Variants in PCDHGA6 observed in about 807,000 individuals in gnomAD.
The protein encoded by PCDHGA6 is protocadherin gamma subfamily A, 6, also known as protocadherin gamma-A6.
A neutral mutation model predicts 60.6 loss-of-function variants in PCDHGA6; 41 were observed. The ratio of observed to expected loss-of-function variants is 0.68; its 90% CI spans 0.53 to 0.88. The LOEUF (loss-of-function observed/expected upper bound fraction) is 0.88. PCDHGA6 is among the 40% of genes least tolerant of loss of function. The pLI is 0.00. For synonymous variants in PCDHGA6, 594 were observed against 524.4 expected (o/e 1.13, Z -1.81); for missense variants, 1,312 against 1,203.0 (o/e 1.09, Z -1.34).
chr5:141,457,441 G>A (rs941085406), intron 1 of PCDHGA6, among the ~76,000 whole-genome samples: 1 of 152,134 alleles, frequency 6.6e-6, no homozygotes, highest in African/African-American at 2.4e-5. Flanking sequence ...CCAAGCTGCA[G>A]AAGATCACCA....
At chr5:141,483,907 C>A (rs545585133) in intron 1 of PCDHGA6, among the ~76,000 whole-genome samples, 1 of 151,240 alleles carries the variant, frequency 6.6e-6, no homozygotes, top group East Asian at 1.9e-4. Context: ...TGGTGTGTTT[C>A]CCACTCAGAT....
chr5:141,475,739 T>C (rs190533989), intron 1 of PCDHGA6, among the ~76,000 whole-genome samples: 593 of 152,384 alleles, frequency 3.9e-3, no homozygotes, highest in Non-Finnish European at 6.7e-3. Flanking sequence ...TTCCCTAAGG[T>C]AGGTTTCCTA....
chr5:141,407,455 C>G (rs2094931708), intron 1 of PCDHGA6, among the ~76,000 whole-genome samples: 1 of 148,412 alleles, frequency 6.7e-6, no homozygotes, highest in African/African-American at 2.5e-5. Context: ...ACGAGGCTCA[C>G]CAGACAGATG....
chr5:141,510,919 C>T (rs748157000), intron 3 of PCDHGA6, 28 bp from the exon 4 acceptor site: 1 of 1,613,894 alleles, frequency 6.2e-7, no homozygotes, highest in East Asian at 2.2e-5. Context: ...AAGTTTAGCT[C>T]CCACCTGATC....
In PCDHGA6 at chr5:141,489,091, T is replaced by TCAG. The variant is rs2099682519; in HGVS notation, c.2425-5716_2425-5715insCAG. On this transcript the variant is annotated intron_variant, in intron 1 of 3. Transcript: ENST00000517434. This position sits in a 1 kb window ranked among gnomAD's most constrained non-coding sequence, Gnocchi z 4.5. ...CTGCCCACCCCCGCCACTCGGTGACTAAGAACTGCTGCAAGCAGGCAAACC... is the reference window on the plus strand; with the variant it reads ...CTGCCCACCCCCGCCACTCGGTGACTCAGAAGAACTGCTGCAAGCAGGCAAACC... The TCAG allele has an allele frequency of 3.0e-6, 1 of 333,056 alleles. No individual in the cohort carries two copies. Among genetic ancestry groups the TCAG allele is most frequent in the Non-Finnish European group, 5.5e-6 (1 of 181,380 alleles). 20.6% of individuals were successfully genotyped at this position (333,056 alleles called of 1,614,324 possible). A position where few individuals can be genotyped will look rare whatever the true frequency, so the allele number is the denominator to read the frequency against.
chr5:141,507,816 TG>T (rs1478957063), intron 3 of PCDHGA6, among the ~76,000 whole-genome samples: 1 of 152,130 alleles, frequency 6.6e-6, no homozygotes, highest in African/African-American at 2.4e-5. Flanking sequence ...GAACGGACCC[TG>T]GGGGTGGAGG....
At chr5:141,465,649 A>C (rs1174371552) in intron 1 of PCDHGA6, among the ~76,000 whole-genome samples, 1 of 152,200 alleles carries the variant, frequency 6.6e-6, no homozygotes, top group African/African-American at 2.4e-5. Context: ...TGAACATCCC[A>C]AAAAAGCGCT....
At chr5:141,413,058 C>G (rs2095601249) in intron 1 of PCDHGA6, 1 of 1,073,304 alleles carries the variant, frequency 9.3e-7, no homozygotes, top group Non-Finnish European at 1.3e-6. Context: ...AAGCTCACTC[C>G]AGAATTTAAA....
chr5:141,389,124 C>A, intron 1 of PCDHGA6: 1 of 1,613,996 alleles, frequency 6.2e-7, no homozygotes, highest in Non-Finnish European at 8.5e-7. Flanking sequence ...CGAGCAGAAT[C>A]CAGAGTACAA....
Position 141,491,208 on chromosome 5 carries a change from C to A in PCDHGA6, c.2425-3599C>A. ...TGAGGGACAATGGTGACCCTTCACT[C>A]TCCTCCACAGCCACAGTGCTGCTGG... On this transcript the variant is annotated intron_variant, in intron 1 of 3. Coordinates refer to ENST00000517434, the MANE Select transcript of PCDHGA6 (RefSeq NM_018919.3). The surrounding 1 kb of genome is among the most constrained non-coding windows in gnomAD (Gnocchi z 6.9). The A allele has an allele frequency of 6.2e-7, 1 of 1,614,204 alleles. No homozygotes were observed. Among genetic ancestry groups the A allele is most frequent in the African/African-American group, 1.3e-5 (1 of 75,058 alleles).
At chr5:141,419,227 C>G in intron 1 of PCDHGA6, 1 of 1,614,024 alleles carries the variant, frequency 6.2e-7, no homozygotes, top group South Asian at 1.1e-5. Flanking sequence ...GACAGTCAGC[C>G]TACCTGGTCC....
At chr5:141,400,237 A>AT in intron 1 of PCDHGA6, 3 of 1,613,870 alleles carry the variant, frequency 1.9e-6, no homozygotes, top group Non-Finnish European at 2.5e-6. Flanking sequence ...CCTGGCCGTG[A>AT]TTCTGGCCGT....
chr5:141,385,690 G>A (rs1308061047), intron 1 of PCDHGA6: 1 of 326,260 alleles, frequency 3.1e-6, no homozygotes, highest in African/African-American at 2.2e-5. Context: ...GTCTTCTCAG[G>A]ATTCTCTTTA....
chr5:141,487,623 C>T lies in PCDHGA6; in HGVS notation c.2425-7184C>T, dbSNP rs2099654624. On this transcript the variant is annotated intron_variant, in intron 1 of 3. Coordinates refer to ENST00000517434, the MANE Select transcript of PCDHGA6 (RefSeq NM_018919.3). This position sits in a 1 kb window ranked among gnomAD's most constrained non-coding sequence, Gnocchi z 5.0. The stretch of plus-strand genomic sequence containing the variant: ...CTTCTCTATGGGCTAGAGGTGAGAC[C>T]TTTGCAGGCTCAACAAATGCTTGAG... 6.2e-7 allele frequency: 1 copy of T among 1,614,088 alleles called. No individual in the cohort carries two copies. The highest frequency in any genetic ancestry group is 1.3e-5 in the African/African-American group (1 of 74,930).
Position 141,490,019 on chromosome 5 carries a change from T to C in PCDHGA6, c.2425-4788T>C. 2 of 1,614,272 alleles carry C rather than the reference T, an allele frequency of 1.2e-6. No homozygotes were observed. Among genetic ancestry groups the C allele is most frequent in the East Asian group, 2.2e-5 (1 of 44,886 alleles). ...CCAGAGAATGCACCCATTGGTACTCTGCTGCTCCGCCTCAATGCCACTGAT... is the reference window on the plus strand; with the variant it reads ...CCAGAGAATGCACCCATTGGTACTCCGCTGCTCCGCCTCAATGCCACTGAT... On this transcript the variant is annotated intron_variant, in intron 1 of 3. Coordinates refer to ENST00000517434, the MANE Select transcript of PCDHGA6 (RefSeq NM_018919.3). This position sits in a 1 kb window ranked among gnomAD's most constrained non-coding sequence, Gnocchi z 5.4.
intron 1 of PCDHGA6, chr5:141,429,167 TATAC>T (rs1240034860): frequency 7.3e-6 from 1 of 136,106 alleles, no homozygotes; most frequent in African/African-American, 2.9e-5. Flanking sequence ...AGACATTGTT[TATAC>T]ACACACACAC....
At chr5:141,461,989 A>G (rs2099028358) in intron 1 of PCDHGA6, among the ~76,000 whole-genome samples, 1 of 152,074 alleles carries the variant, frequency 6.6e-6, no homozygotes, top group African/African-American at 2.4e-5. Flanking sequence ...ACGCCAGGCT[A>G]ATTTTGTATT....
chr5:141,384,792 C>T lies in PCDHGA6; in HGVS notation c.2424+8285C>T, dbSNP rs374905153. ...CGGGCGAGGTGCGCACGGCTCGGGC[C>T]CTGCTGGACAGAGATGCCCTCAAGC... On this transcript the variant is annotated intron_variant, in intron 1 of 3. Transcript: ENST00000517434. The T allele has an allele frequency of 5.0e-6, 8 of 1,613,404 alleles. No homozygotes were observed. The African/African-American group carries it at 6.7e-5, about 13-fold the overall frequency.
At chr5:141,414,287 C>A (rs374229359) in intron 1 of PCDHGA6, 4 of 1,613,316 alleles carry the variant, frequency 2.5e-6, no homozygotes, top group Non-Finnish European at 3.4e-6. Flanking sequence ...ACAGTCGTAG[C>A]CCTTTTAAAT....
Sources: gnomAD v4.1 joint callset for allele counts (sites outside exome capture counted in the v4.1 genomes callset) on GRCh38, gnomAD v4.1.1 for gene constraint, Gnocchi (gnomAD v3.1) non-coding constraint, MANE v1.5 for transcripts, NCBI Gene and HGNC (gene_info 2026-07-23, HGNC 2026-07-21) for gene names.